The following TNS1 variants were observed in gnomAD, a reference collection of about 807,000 sequenced individuals.
The protein encoded by TNS1 is tensin 1, also known as tensin-1.
In TNS1, 62 loss-of-function variants were observed where a neutral mutation model predicts 168.6. The observed-to-expected ratio is 0.37, with a 90% CI of 0.30 to 0.45. TNS1 has a LOEUF of 0.45. Among genes scored for constraint, TNS1 ranks in the 20% least tolerant of loss-of-function variants. The pLI, the probability that TNS1 is intolerant of heterozygous loss-of-function variation, is 1.00. For synonymous variants in TNS1, 934 were observed against 933.2 expected (o/e 1.00, Z -0.02); for missense variants, 2,240 against 2,339.4 (o/e 0.96, Z 0.88).
chr2:217,836,614 C>G (rs562348330), intron 19 of TNS1, among the ~76,000 whole-genome samples: 1 of 152,196 alleles, frequency 6.6e-6, no homozygotes, highest in Non-Finnish European at 1.5e-5. Context: ...CAACATCAAG[C>G]CTGTGGGGAA....
At chr2:217,845,595 G>A (rs1384071932) in intron 19 of TNS1, among the ~76,000 whole-genome samples, 1 of 152,232 alleles carries the variant, frequency 6.6e-6, no homozygotes, top group Non-Finnish European at 1.5e-5. Context: ...GTTGATGGAG[G>A]AAATGGCAAC....
At chr2:217,877,403 C>T (rs1272842454) in intron 18 of TNS1, among the ~76,000 whole-genome samples, 13 of 152,314 alleles carry the variant, frequency 8.5e-5, no homozygotes, top group Admixed American at 8.5e-4. Context: ...TGTCTCATGA[C>T]CCTGGACAAG....
At chr2:218,017,565 C>T (rs1489094461) in intron 1 of TNS1, among the ~76,000 whole-genome samples, 1 of 152,226 alleles carries the variant, frequency 6.6e-6, no homozygotes, top group East Asian at 1.9e-4. Context: ...TGTCCCCACC[C>T]TCACCTCCCA....
chr2:217,857,269 G>A (rs925235486), intron 18 of TNS1, among the ~76,000 whole-genome samples: 3 of 152,154 alleles, frequency 2.0e-5, no homozygotes, highest in African/African-American at 7.2e-5. Context: ...GGGCCTTAGG[G>A]GAGTAGTTAA....
upstream of TNS1, among the ~76,000 whole-genome samples, chr2:218,013,738 C>T (rs781700608): frequency 7.2e-5 from 11 of 152,092 alleles, no homozygotes; most frequent in Admixed American, 2.0e-4. Context: ...TCCAGACTGG[C>T]AAGGGGGGCT....
chr2:217,936,949 G>A, intron 3 of TNS1: 1 of 456,752 alleles, frequency 2.2e-6, no homozygotes, highest in South Asian at 1.5e-5. Context: ...CTGGGAGGGA[G>A]ACCCACGCTT....
chr2:217,956,172 G>A (rs10932735), intron 3 of TNS1, among the ~76,000 whole-genome samples: 30,590 of 151,968 alleles, frequency 0.2, 4,553 homozygotes, highest in African/African-American at 0.42. Flanking sequence ...TGGTTAAAAA[G>A]AATTTTTTTT....
intron 25 of TNS1, among the ~76,000 whole-genome samples, chr2:217,814,485 G>T (rs925321579): frequency 6.6e-6 from 1 of 152,166 alleles, no homozygotes; most frequent in Non-Finnish European, 1.5e-5. Flanking sequence ...ACAAAAGCAG[G>T]CAGCATCCAG....
Position 217,967,612 on chromosome 2 carries a change from A to G in TNS1, c.186+11153T>C, listed in dbSNP as rs1041647162. ...GGCATAAACTACCAAAACTGACTCA[A>G]GAAGAAATTAGAAATCTGAATAGAC... is the stretch of plus-strand genomic sequence containing the variant. On this transcript the variant is annotated intron_variant, in intron 3 of 32. Coordinates refer to ENST00000682258, the MANE Select transcript of TNS1 (RefSeq NM_001387777.1). 9.9e-5 allele frequency among the ~76,000 whole-genome samples: 15 copies of G among 152,174 alleles called. No individual in the cohort carries two copies. The East Asian group carries it at 1.3e-3, about 14-fold the overall frequency.
intron 18 of TNS1, among the ~76,000 whole-genome samples, chr2:217,870,654 G>A (rs1443376617): frequency 6.6e-6 from 1 of 152,146 alleles, no homozygotes; most frequent in Non-Finnish European, 1.5e-5. Context: ...CCAGAGCTCC[G>A]GCTGGCTCTG....
At chr2:217,903,687 C>T in intron 6 of TNS1, 3 of 1,313,876 alleles carry the variant, frequency 2.3e-6, no homozygotes, top group Non-Finnish European at 1.1e-6. Flanking sequence ...TTACTTTTCT[C>T]ACTGTCAGGA....
At chr2:217,954,760 A>C (rs898045083) in intron 3 of TNS1, among the ~76,000 whole-genome samples, 8 of 152,128 alleles carry the variant, frequency 5.3e-5, no homozygotes, top group Non-Finnish European at 7.4e-5. Context: ...TCCACCATCC[A>C]GCCTCCCAGC....
chr2:217,813,200 A>AG lies in TNS1; in HGVS notation c.4954+14dup, dbSNP rs762183026. On this transcript the variant is annotated intron_variant, in intron 27 of 32. Coordinates refer to ENST00000682258, the MANE Select transcript of TNS1 (RefSeq NM_001387777.1). This position sits in a 1 kb window ranked among gnomAD's most constrained non-coding sequence, Gnocchi z 4.0. The stretch of plus-strand genomic sequence containing the variant: ...CAGGCCAGACTGTAGAGATGGGGGC[A>AG]GGGGGACAGCTCACCGAAGTTTGGC... 17 of 1,589,006 alleles carry AG rather than the reference A, an allele frequency of 1.1e-5. No homozygotes were observed. In the South Asian group the frequency reaches 1.9e-4, roughly 18 times the overall value.
intron 3 of TNS1, among the ~76,000 whole-genome samples, chr2:217,937,600 C>T (rs887414177): frequency 6.6e-6 from 1 of 152,098 alleles, no homozygotes; most frequent in African/African-American, 2.4e-5. Context: ...GGGGGCAGGG[C>T]GGGGAGGGAA....
At position 217,821,729 on chromosome 2, in the gene TNS1, T is replaced by C. The variant is rs771829945; in HGVS notation, c.3572+11A>G. ...TTCCCATCCCCCACCCACTGCCCCT[T>C]CCCGGCTTACCTGTCAGCACTGAGG... On this transcript the variant is annotated intron_variant, in intron 23 of 32. Coordinates refer to ENST00000682258, the MANE Select transcript of TNS1 (RefSeq NM_001387777.1). The C allele has an allele frequency of 4.9e-6, 7 of 1,428,640 alleles. No homozygotes were observed. The highest frequency in any genetic ancestry group is 5.5e-6 in the Non-Finnish European group (6 of 1,091,560). The allele number at this position is 1,428,640 out of a possible 1,614,324, so 88.5% of individuals were successfully genotyped here.
At chr2:217,966,306 T>TGC (rs1467919727) in intron 3 of TNS1, among the ~76,000 whole-genome samples, 4,633 of 135,036 alleles carry the variant, frequency 0.034, 98 homozygotes, top group East Asian at 0.099. Flanking sequence ...TGTGTGTGTG[T>TGC]GTGCGCGCGC....
intron 16 of TNS1, among the ~76,000 whole-genome samples, chr2:217,884,127 G>A (rs1222199276): frequency 2.7e-5 from 4 of 146,260 alleles, no homozygotes; most frequent in Non-Finnish European, 6.0e-5. Context: ...GTGATGCTTG[G>A]TGGGTGGGTG....
chr2:217,926,397 C>T (rs1291572314), intron 3 of TNS1, among the ~76,000 whole-genome samples: 49 of 152,138 alleles, frequency 3.2e-4, no homozygotes, highest in Admixed American at 6.5e-5. Flanking sequence ...GATTACACCA[C>T]TTCGTGTTTT....
intron 21 of TNS1, among the ~76,000 whole-genome samples, chr2:217,832,935 C>A (rs1944648525): frequency 6.6e-6 from 1 of 152,120 alleles, no homozygotes; most frequent in Non-Finnish European, 1.5e-5. Context: ...GACACACACA[C>A]AAACACACAC....
Sources: allele counts gnomAD v4.1 joint callset (sites outside exome capture counted in the v4.1 genomes callset), GRCh38; gene constraint gnomAD v4.1.1; non-coding constraint Gnocchi (gnomAD v3.1); transcripts MANE v1.5; gene names NCBI Gene and HGNC (gene_info 2026-07-23, HGNC 2026-07-21).